SALL4: variants seen among roughly 807,000 people sequenced by gnomAD.
The protein encoded by SALL4 is spalt like transcription factor 4.
Under a neutral mutation model 60.8 loss-of-function variants are expected in SALL4, and 4 were observed. The observed-to-expected ratio is 0.07, with a 90% CI of 0.03 to 0.15. The LOEUF (loss-of-function observed/expected upper bound fraction) is 0.15, where lower values mean the gene tolerates loss of function less well. SALL4 is among the 10% of genes least tolerant of loss of function. The pLI is 1.00. For missense variants in SALL4, 1,178 were observed against 1,394.7 expected (o/e 0.84, Z 2.48); for synonymous variants, 580 against 574.9 (o/e 1.01, Z -0.13).
Position 51,802,485 on chromosome 20 carries a change from A to AC in SALL4, c.-78dup, listed in dbSNP as rs979664135. ...ACAAATTCCTGGAGTTGGGAAATTT[A>AC]CCCCCCTTCGGCCGGAACGCGCATG... On this transcript the variant is annotated 5_prime_UTR_variant, in exon 1 of 4. The change abolishes the stop of an existing upstream ORF in the 5' untranslated region. Transcript: ENST00000217086. 113 of 1,603,128 alleles carry AC rather than the reference A, an allele frequency of 7.0e-5. No individual in the cohort carries two copies. The African/African-American group carries it at 1.3e-3, about 19-fold the overall frequency.
At position 51,788,715 on chromosome 20, in the gene SALL4, TAAAC is replaced by T. The variant is rs1217583314; in HGVS notation, c.2742+142_2742+145del. On this transcript the variant is annotated intron_variant, in intron 3 of 3. Transcript: ENST00000217086. The surrounding 1 kb of genome is among the most constrained non-coding windows in gnomAD (Gnocchi z 4.1). ...TCCGTCTCAAAAATAAATAAATAAA[TAAAC>T]AAACTCCTGGACTCAAGCAATCCTC... is the stretch of plus-strand genomic sequence containing the variant. 15 of 970,414 alleles carry T rather than the reference TAAAC, an allele frequency of 1.5e-5. No individual in the cohort carries two copies. Among genetic ancestry groups the T allele is most frequent in the Admixed American group, 2.1e-5 (1 of 46,770 alleles). The allele number at this position is 970,414 out of a possible 1,614,324, so 60.1% of individuals were successfully genotyped here. A position where few individuals can be genotyped will look rare whatever the true frequency, so the allele number is the denominator to read the frequency against.
Position 51,801,255 on chromosome 20 carries a change from C to T in SALL4, c.130+1024G>A, listed in dbSNP as rs899285543. 2.6e-5 allele frequency among the ~76,000 whole-genome samples: 4 copies of T among 152,204 alleles called. No individual in the cohort carries two copies. Among genetic ancestry groups the T allele is most frequent in the African/African-American group, 7.2e-5 (3 of 41,454 alleles). On this transcript the variant is annotated intron_variant, in intron 1 of 3. Coordinates refer to ENST00000217086, the MANE Select transcript of SALL4 (RefSeq NM_020436.5). This position sits in a 1 kb window ranked among gnomAD's most constrained non-coding sequence, Gnocchi z 5.2. Reference sequence around the variant, plus strand: ...GATGAAGTGGGAACAGAGTTGGCCCCGCCGTTCCTGGCGCGGCTGGGGTCC... The same window carrying T: ...GATGAAGTGGGAACAGAGTTGGCCCTGCCGTTCCTGGCGCGGCTGGGGTCC...
chr20:51,783,096 A>T lies in SALL4; in HGVS notation c.*1169T>A, dbSNP rs986018643. 2.6e-5 allele frequency: 4 copies of T among 152,176 alleles called. No homozygotes were observed. Among genetic ancestry groups the T allele is most frequent in the African/African-American group, 9.6e-5 (4 of 41,456 alleles). The allele number at this position is 152,176 out of a possible 1,614,324, so 9.4% of individuals were successfully genotyped here. A position where few individuals can be genotyped will look rare whatever the true frequency, so the allele number is the denominator to read the frequency against. ...AATCAGTATGTGAACCTGTGATGGG[A>T]AACACGCCCTTCCACGAGTTTCTTC... On this transcript the variant is annotated 3_prime_UTR_variant, in exon 4 of 4. Coordinates refer to ENST00000217086, the MANE Select transcript of SALL4 (RefSeq NM_020436.5).
At chr20:51,795,687 C>G (rs2078075355) in intron 1 of SALL4, among the ~76,000 whole-genome samples, 1 of 152,268 alleles carries the variant, frequency 6.6e-6, no homozygotes, top group East Asian at 1.9e-4. Flanking sequence ...TAGACAGATA[C>G]AGCTCTTTCA....
chr20:51,794,422 G>A (rs1601174166), intron 1 of SALL4, among the ~76,000 whole-genome samples: 1 of 152,118 alleles, frequency 6.6e-6, no homozygotes, highest in Non-Finnish European at 1.5e-5. Context: ...GCGTGGTGGC[G>A]CATGCCTAAT....
intron 3 of SALL4, among the ~76,000 whole-genome samples, chr20:51,786,129 C>A (rs1349184073): frequency 6.7e-6 from 1 of 150,070 alleles, no homozygotes; most frequent in East Asian, 2.0e-4. Flanking sequence ...CTCTGTCGCC[C>A]AGGCTGGAGT....
chr20:51,789,914 G>C, intron 2 of SALL4, 108 bp downstream of exon 2: 1 of 1,374,356 alleles, frequency 7.3e-7, no homozygotes, highest in South Asian at 1.2e-5. Flanking sequence ...TTGCCCTATA[G>C]AAGGGGCTGC....
intron 1 of SALL4, among the ~76,000 whole-genome samples, chr20:51,798,905 G>A (rs548721807): frequency 5.5e-4 from 83 of 152,120 alleles, no homozygotes; most frequent in African/African-American, 1.6e-3. Flanking sequence ...GCTCTGGGGC[G>A]AGGCAGGACA....
intron 1 of SALL4, among the ~76,000 whole-genome samples, chr20:51,800,154 G>T (rs1435863858): frequency 2.6e-5 from 4 of 152,152 alleles, no homozygotes; most frequent in Admixed American, 2.0e-4. Context: ...GCAAAGAACA[G>T]CGGGCACAGA....
At chr20:51,787,752 G>A (rs115475129) in intron 3 of SALL4, among the ~76,000 whole-genome samples, 4,624 of 150,560 alleles carry the variant, frequency 0.031, 234 homozygotes, top group African/African-American at 0.11. Flanking sequence ...AGTGATCCTC[G>A]CACCACCACC....
At position 51,802,346 on chromosome 20, in the gene SALL4, C is replaced by T; in HGVS notation, c.63G>A (p.Gln21=). 1 of 1,610,152 alleles carries T rather than the reference C, an allele frequency of 6.2e-7. No individual in the cohort carries two copies. Among genetic ancestry groups the T allele is most frequent in the African/African-American group, 1.3e-5 (1 of 74,978 alleles). ...ACTCCGGGGTCTGCTGCTGCGGCTG[C>T]TGCTCGCCCTGGTCCTCCTCCGAGT... ...HINSEEDQGE[Q]QPQQQTPEFA... The change falls in exon 1 of 4, where the codon CAG becomes CAA. Residue 21 remains glutamine (Q), a synonymous_variant. Transcript: ENST00000217086.
chr20:51,799,049 C>T (rs1601177595), intron 1 of SALL4, among the ~76,000 whole-genome samples: 1 of 152,150 alleles, frequency 6.6e-6, no homozygotes. Context: ...ATAGCGCACT[C>T]GAGTCCCCAG....
chr20:51,800,854 C>A (rs1228485559), intron 1 of SALL4, among the ~76,000 whole-genome samples: 1 of 152,188 alleles, frequency 6.6e-6, no homozygotes, highest in Non-Finnish European at 1.5e-5. Context: ...CAAGCCGATC[C>A]TTTTAATTTG....
intron 1 of SALL4, chr20:51,797,466 A>C (rs992086185): frequency 6.6e-6 from 1 of 152,152 alleles, no homozygotes; most frequent in South Asian, 2.1e-4. Context: ...CCTCTTCTGT[A>C]GCCTCCACCA....
At chr20:51,800,865 C>A (rs536675993) in intron 1 of SALL4, among the ~76,000 whole-genome samples, 15 of 152,186 alleles carry the variant, frequency 9.9e-5, no homozygotes, top group Non-Finnish European at 2.1e-4. Context: ...TTTTAATTTG[C>A]CCTGGAAAAA....
chr20:51,800,190 G>A (rs1190066347), intron 1 of SALL4, among the ~76,000 whole-genome samples: 4 of 152,062 alleles, frequency 2.6e-5, no homozygotes, highest in Non-Finnish European at 4.4e-5. Context: ...CGACCGGCAC[G>A]AATCCCCTAG....
chr20:51,793,601 G>T (rs2078062697), intron 1 of SALL4, among the ~76,000 whole-genome samples: 1 of 152,128 alleles, frequency 6.6e-6, no homozygotes, highest in African/African-American at 2.4e-5. Flanking sequence ...GCTAATTTTT[G>T]TATTTTTAGT....
chr20:51,800,226 C>A (rs2078101312), intron 1 of SALL4, among the ~76,000 whole-genome samples: 1 of 152,162 alleles, frequency 6.6e-6, no homozygotes, highest in South Asian at 2.1e-4. Context: ...CCCAGCCCAG[C>A]ACTCTCCATT....
intron 1 of SALL4, among the ~76,000 whole-genome samples, chr20:51,800,354 G>C (rs1216382936): frequency 6.6e-6 from 1 of 152,200 alleles, no homozygotes; most frequent in Non-Finnish European, 1.5e-5. Context: ...CGCGCAAGCC[G>C]GGTGGGCTGT....
Sources: allele counts gnomAD v4.1 joint callset (sites outside exome capture counted in the v4.1 genomes callset), GRCh38; gene constraint gnomAD v4.1.1; non-coding constraint Gnocchi (gnomAD v3.1); transcripts MANE v1.5; gene names NCBI Gene and HGNC (gene_info 2026-07-23, HGNC 2026-07-21).